RBFOX1: variants seen among roughly 807,000 people sequenced by gnomAD.
RBFOX1 encodes the protein RNA binding fox-1 homolog 1.
Under a neutral mutation model 57.7 loss-of-function variants are expected in RBFOX1, and 8 were observed. The observed-to-expected ratio is 0.14, with a 90% CI of 0.08 to 0.25. The LOEUF is 0.25. RBFOX1 is among the 10% of genes least tolerant of loss of function. The probability of loss-of-function intolerance (pLI) is 1.00; values close to 1 mark genes in which losing one functional copy is unlikely to be tolerated. For missense variants in RBFOX1, 611 were observed against 548.5 expected, an observed-to-expected ratio of 1.11 and a Z score of -1.14; for synonymous variants, 326 against 222.4, an observed-to-expected ratio of 1.47 and a Z score of -4.15.
chr16:5,526,389 A>G (rs1212474196), intron 2 of RBFOX1, among the ~76,000 whole-genome samples: 1 of 152,102 alleles, frequency 6.6e-6, no homozygotes. Context: ...CCCGGGGTCA[A>G]GTGATTCTCA....
chr16:6,701,549 C>A (rs1478509866), intron 3 of RBFOX1, among the ~76,000 whole-genome samples: 2 of 152,158 alleles, frequency 1.3e-5, no homozygotes, highest in African/African-American at 4.8e-5. Context: ...CAGGAAGCTT[C>A]TATTTCTGGT....
chr16:7,010,383 A>T (rs374128939), intron 3 of RBFOX1, among the ~76,000 whole-genome samples: 2 of 152,126 alleles, frequency 1.3e-5, no homozygotes, highest in Admixed American at 6.6e-5. Flanking sequence ...GCTAGGACAC[A>T]CACTGGTGAG....
At chr16:5,482,408 C>G (rs2069576915) in intron 2 of RBFOX1, among the ~76,000 whole-genome samples, 1 of 152,158 alleles carries the variant, frequency 6.6e-6, no homozygotes, top group South Asian at 2.1e-4. Context: ...TTCCTGCAGC[C>G]CAGGCGGGGC....
chr16:7,579,711 A>G (rs2152835327), intron 5 of RBFOX1, 66 bp from the exon 6 acceptor site: 2 of 1,592,990 alleles, frequency 1.3e-6, no homozygotes, highest in Middle Eastern at 1.7e-4. Context: ...ATGGCAAGCA[A>G]AAGAGCATCG....
intron 2 of RBFOX1, among the ~76,000 whole-genome samples, chr16:6,637,206 ATATATATTATATAATATACAATATATAT>A (rs2098446353): frequency 4.8e-5 from 3 of 62,720 alleles, no homozygotes; most frequent in African/African-American, 2.3e-4. Flanking sequence ...ATTATATATT[ATATATATTATATAATATACAATATATAT>A]TATATATTAT....
At chr16:7,383,447 C>G (rs573293039) in intron 4 of RBFOX1, among the ~76,000 whole-genome samples, 2 of 152,028 alleles carry the variant, frequency 1.3e-5, no homozygotes, top group Non-Finnish European at 2.9e-5. Context: ...GAAATAATCT[C>G]TTGAATTATC....
At chr16:5,327,849 C>G (rs1213490034) in intron 1 of RBFOX1, among the ~76,000 whole-genome samples, 5 of 152,218 alleles carry the variant, frequency 3.3e-5, no homozygotes, top group African/African-American at 1.2e-4. Flanking sequence ...GTTAAAACAT[C>G]TCTTTGTAAG....
intron 3 of RBFOX1, among the ~76,000 whole-genome samples, chr16:6,783,655 G>A (rs546903231): frequency 1.7e-4 from 26 of 151,948 alleles, no homozygotes; most frequent in South Asian, 6.2e-4. Context: ...TTTAGTCTTC[G>A]TACTAAAGAT....
intron 4 of RBFOX1, among the ~76,000 whole-genome samples, chr16:7,496,567 C>T (rs2068705222): frequency 1.3e-5 from 2 of 152,078 alleles, no homozygotes; most frequent in South Asian, 2.1e-4. Flanking sequence ...TCATCATCAT[C>T]ATTAATACCA....
intron 3 of RBFOX1, among the ~76,000 whole-genome samples, chr16:6,788,894 C>A (rs992739382): frequency 6.6e-6 from 1 of 152,170 alleles, no homozygotes; most frequent in South Asian, 2.1e-4. Flanking sequence ...AGCTAACTCT[C>A]TGCTCTAAGA....
At chr16:6,710,749 G>T (rs770213622) in intron 3 of RBFOX1, among the ~76,000 whole-genome samples, 1 of 152,254 alleles carries the variant, frequency 6.6e-6, no homozygotes, top group Non-Finnish European at 1.5e-5. Context: ...CAGGAAAATG[G>T]CCCTTGGCAA....
At chr16:6,617,796 G>T (rs527977934) in intron 2 of RBFOX1, among the ~76,000 whole-genome samples, 1 of 152,142 alleles carries the variant, frequency 6.6e-6, no homozygotes, top group Non-Finnish European at 1.5e-5. Flanking sequence ...ATAAAGTACA[G>T]CAATTTTCTT....
intron 3 of RBFOX1, among the ~76,000 whole-genome samples, chr16:6,980,756 G>C (rs992620839): frequency 3.3e-5 from 5 of 152,072 alleles, no homozygotes; most frequent in Admixed American, 1.3e-4. Flanking sequence ...AAATGTTCAG[G>C]AATGGAGCAG....
At chr16:7,653,739 C>G in intron 11 of RBFOX1, 76 bp from the exon 12 acceptor site, 1 of 1,588,322 alleles carries the variant, frequency 6.3e-7, no homozygotes, top group Non-Finnish European at 8.5e-7. Flanking sequence ...CAAGGGTTCC[C>G]GGGGCAGTTC....
intron 2 of RBFOX1, among the ~76,000 whole-genome samples, chr16:6,596,115 A>T: frequency 6.6e-6 from 1 of 152,258 alleles, no homozygotes; most frequent in African/African-American, 2.4e-5. Context: ...CAGCACAATT[A>T]AAAAATGGAT....
intron 4 of RBFOX1, among the ~76,000 whole-genome samples, chr16:7,292,636 G>A (rs2095814646): frequency 6.6e-6 from 1 of 151,444 alleles, no homozygotes; most frequent in African/African-American, 2.4e-5. Context: ...ACGAAGTGAT[G>A]CCAAGCGAGA....
rs117371372 is a variant in RBFOX1, at chr16:6,854,893, C to T, written c.-15-197164C>T. On this transcript the variant is annotated intron_variant, in intron 3 of 15. Coordinates refer to ENST00000550418, the MANE Select transcript of RBFOX1 (RefSeq NM_018723.4). ...ACAGGCGTGAGCCACCGCGCCCAGCCGAGGTGAATAATTTTTTTATTCTGG... is the reference window on the plus strand; with the variant it reads ...ACAGGCGTGAGCCACCGCGCCCAGCTGAGGTGAATAATTTTTTTATTCTGG... Among the ~76,000 whole-genome samples the T allele has an allele frequency of 2.7e-3, 409 of 151,948 alleles. 12 individuals carry two copies. The East Asian group carries it at 0.069, about 26-fold the overall frequency.
intron 2 of RBFOX1, among the ~76,000 whole-genome samples, chr16:6,643,358 T>A (rs958439326): frequency 6.6e-6 from 1 of 152,188 alleles, no homozygotes; most frequent in Non-Finnish European, 1.5e-5. Context: ...ACTGCAAACA[T>A]TTTATACTAT....
At chr16:5,828,941 A>G (rs2056169788) in intron 3 of RBFOX1, among the ~76,000 whole-genome samples, 1 of 152,226 alleles carries the variant, frequency 6.6e-6, no homozygotes, top group African/African-American at 2.4e-5. Flanking sequence ...AGGAATCCAG[A>G]CACAGCTTAG....
Sources: gnomAD v4.1 joint callset for allele counts (sites outside exome capture counted in the v4.1 genomes callset) on GRCh38, gnomAD v4.1.1 for gene constraint, MANE v1.5 for transcripts, NCBI Gene and HGNC (gene_info 2026-07-23, HGNC 2026-07-21) for gene names.